The following EYS variants were observed in gnomAD, a reference collection of about 807,000 sequenced individuals.
The protein encoded by EYS is protein eyes shut homolog.
Under a neutral mutation model 282.1 loss-of-function variants are expected in EYS, and 250 were observed. That is an observed-to-expected ratio of 0.89 (90% confidence interval 0.80 to 0.98). The LOEUF is 0.98. Among genes scored for constraint, EYS ranks in the 50% least tolerant of loss-of-function variants. EYS has a pLI of 0.00. For synonymous variants in EYS, 1,355 were observed against 1,282.9 expected, an observed-to-expected ratio of 1.06 and a Z score of -1.20; for missense variants, 4,016 against 3,709.0, an observed-to-expected ratio of 1.08 and a Z score of -2.15.
intron 13 of EYS, among the ~76,000 whole-genome samples, chr6:65,006,996 A>G (rs73765715): frequency 0.017 from 2,597 of 152,326 alleles, 83 homozygotes; most frequent in African/African-American, 0.059. Flanking sequence ...TGAAATACTC[A>G]GAAACCCAGC....
intron 2 of EYS, among the ~76,000 whole-genome samples, chr6:65,533,763 T>A (rs1767868557): frequency 6.6e-6 from 1 of 152,134 alleles, no homozygotes; most frequent in Admixed American, 6.6e-5. Flanking sequence ...GGCACCTTGA[T>A]CTTGAATTTC....
At chr6:65,086,676 A>G (rs1774386339) in intron 12 of EYS, among the ~76,000 whole-genome samples, 1 of 152,182 alleles carries the variant, frequency 6.6e-6, no homozygotes, top group Non-Finnish European at 1.5e-5. Flanking sequence ...AGTTCACAGA[A>G]TTATGAATAA....
rs56346431 is a variant in EYS at position 64,675,428 on chromosome 6, C to CTTTTTTTTT, written c.3444-49192_3444-49184dup. 7.9e-5 allele frequency among the ~76,000 whole-genome samples: 9 copies of CTTTTTTTTT among 114,642 alleles called. 1 individual carries two copies. Among genetic ancestry groups the CTTTTTTTTT allele is most frequent in the East Asian group, 2.6e-4 (1 of 3,860 alleles). 75.2% of individuals were successfully genotyped at this position (114,642 alleles called of 152,430 possible). The stretch of plus-strand genomic sequence containing the variant: ...GTTTTTCCTGTTTCTCTTTTTTTTT[C>CTTTTTTTTT]TTTTTTTTTTTTTTTTTGAGATGGA... On this transcript the variant is annotated intron_variant, in intron 22 of 42. Coordinates refer to ENST00000503581, the MANE Select transcript of EYS (RefSeq NM_001142800.2).
At chr6:64,930,501 T>TAATTA (rs1440203286) in intron 15 of EYS, among the ~76,000 whole-genome samples, 1 of 148,912 alleles carries the variant, frequency 6.7e-6, no homozygotes, top group African/African-American at 2.5e-5. Flanking sequence ...ATATCTCTGG[T>TAATTA]AACACATTAA....
At chr6:65,298,068 C>T (rs945319547) in intron 11 of EYS, among the ~76,000 whole-genome samples, 1 of 152,002 alleles carries the variant, frequency 6.6e-6, no homozygotes, top group African/African-American at 2.4e-5. Context: ...TAGAAAGTTC[C>T]TTCCTAAATG....
At chr6:63,724,986 TTAAA>T (rs1328611973) in intron 42 of EYS, among the ~76,000 whole-genome samples, 8 of 152,112 alleles carry the variant, frequency 5.3e-5, no homozygotes, top group East Asian at 3.8e-4. Flanking sequence ...TTCTGCAACC[TTAAA>T]TAAATGAGAG....
chr6:64,294,448 C>G (rs1481028806), intron 30 of EYS, among the ~76,000 whole-genome samples: 1 of 152,134 alleles, frequency 6.6e-6, no homozygotes, highest in African/African-American at 2.4e-5. Flanking sequence ...GGACTTTTAG[C>G]TTCTCAATAA....
At chr6:64,938,943 G>T (rs1283666075) in intron 15 of EYS, among the ~76,000 whole-genome samples, 1 of 151,716 alleles carries the variant, frequency 6.6e-6, no homozygotes, top group Non-Finnish European at 1.5e-5. Context: ...AGTAAAGGGG[G>T]ACTATTGTAC....
At chr6:64,626,586 G>T (rs114707453) in intron 22 of EYS, among the ~76,000 whole-genome samples, 1,778 of 152,174 alleles carry the variant, frequency 0.012, 18 homozygotes, top group Non-Finnish European at 0.02. Context: ...AGGGGAGAAG[G>T]CCACGTGAAC....
At chr6:64,342,500 C>A (rs1023396253) in intron 29 of EYS, among the ~76,000 whole-genome samples, 1 of 151,950 alleles carries the variant, frequency 6.6e-6, no homozygotes, top group Non-Finnish European at 1.5e-5. Flanking sequence ...AAATACTTTA[C>A]AAACAAGCAA....
At chr6:64,780,088 A>T (rs1166881373) in intron 22 of EYS, among the ~76,000 whole-genome samples, 1 of 152,204 alleles carries the variant, frequency 6.6e-6, no homozygotes, top group Non-Finnish European at 1.5e-5. Flanking sequence ...GAGACTAGAG[A>T]TTAATATCTC....
Position 65,129,891 on chromosome 6 carries a change from A to C in EYS, c.2024-72164T>G, listed in dbSNP as rs145277479. Among the ~76,000 whole-genome samples, 308 of 152,116 alleles carry C rather than the reference A, an allele frequency of 2.0e-3. 1 individual carries two copies. The highest frequency in any genetic ancestry group is 7.1e-3 in the African/African-American group (297 of 41,550). The stretch of plus-strand genomic sequence containing the variant: ...TTTGTAGTGTTATTCACAATATTAA[A>C]GCCATGAAATTAACCCAGGGTATAT... On this transcript the variant is annotated intron_variant, in intron 12 of 42. Coordinates refer to ENST00000503581, the MANE Select transcript of EYS (RefSeq NM_001142800.2).
chr6:63,767,989 C>T lies in EYS; in HGVS notation c.7899-5356G>A, dbSNP rs530472544. On this transcript the variant is annotated intron_variant, in intron 40 of 42. Transcript: ENST00000503581. ...AGCACTGGGGAAAGGGCTTCCTATT[C>T]GATAAATGGTGCTGGGATAACTGGC... Among the ~76,000 whole-genome samples the T allele has an allele frequency of 1.1e-4, 17 of 152,086 alleles. No homozygotes were observed. In the South Asian group the frequency reaches 2.1e-3, roughly 19 times the overall value.
intron 12 of EYS, among the ~76,000 whole-genome samples, chr6:65,224,273 T>C (rs1766557888): frequency 6.6e-6 from 1 of 152,104 alleles, no homozygotes; most frequent in East Asian, 1.9e-4. Flanking sequence ...GTAGAGTTCA[T>C]AAATATGTGA....
intron 12 of EYS, among the ~76,000 whole-genome samples, chr6:65,172,551 T>C (rs1303858564): frequency 6.6e-6 from 1 of 151,392 alleles, no homozygotes; most frequent in Non-Finnish European, 1.5e-5. Context: ...TTTTCTTAAA[T>C]GTAAAACATG....
At chr6:64,481,966 T>A (rs1776449991) in intron 26 of EYS, among the ~76,000 whole-genome samples, 1 of 151,702 alleles carries the variant, frequency 6.6e-6, no homozygotes, top group African/African-American at 2.4e-5. Flanking sequence ...ATGTTAAAAG[T>A]AAGTTAATGC....
chr6:64,633,997 T>G (rs940121559), intron 22 of EYS, among the ~76,000 whole-genome samples: 1 of 152,140 alleles, frequency 6.6e-6, no homozygotes, highest in African/African-American at 2.4e-5. Flanking sequence ...TTTGTTTGTT[T>G]GTTTGAGATA....
chr6:63,983,545 G>A (rs1415775129), intron 35 of EYS, among the ~76,000 whole-genome samples: 2 of 151,572 alleles, frequency 1.3e-5, no homozygotes, highest in Non-Finnish European at 3.0e-5. Flanking sequence ...TCTACACTGT[G>A]TATAGAGATG....
Position 64,822,798 on chromosome 6 carries a change from T to C in EYS, c.3017A>G (p.Asp1006Gly), listed in dbSNP as rs1413311216. Residue 1006 changes from aspartate (D) to glycine (G), a missense_variant, in exon 20 of 43, where the codon GAT becomes GGT. Transcript: ENST00000503581. ...YTGINCEINL[D>G]ECLSEPCLHD... ...GAGACAGGGCTCTGATAGGCATTCA[T>C]CTAGATTTATTTCACAGTTGATGCC... is the stretch of plus-strand genomic sequence containing the variant. 2 of 1,549,656 alleles carry C rather than the reference T, an allele frequency of 1.3e-6. No homozygotes were observed. Among genetic ancestry groups the C allele is most frequent in the Non-Finnish European group, 1.7e-6 (2 of 1,145,760 alleles).
Sources: gnomAD v4.1 joint callset for allele counts (sites outside exome capture counted in the v4.1 genomes callset) on GRCh38, gnomAD v4.1.1 for gene constraint, MANE v1.5 for transcripts, NCBI Gene and HGNC (gene_info 2026-07-23, HGNC 2026-07-21) for gene names.